The following ZNF217 variants were observed in gnomAD, a reference collection of about 807,000 sequenced individuals.
ZNF217 encodes zinc finger protein 217.
ZNF217 carries 12 observed loss-of-function variants against 73.3 expected under a neutral mutation model. That is an observed-to-expected ratio of 0.16 (90% CI 0.10 to 0.27). ZNF217 has a LOEUF of 0.27. ZNF217 is among the 10% of genes least tolerant of loss of function. The pLI, the probability that ZNF217 is intolerant of heterozygous loss-of-function variation, is 1.00. For missense variants in ZNF217, 1,195 were observed against 1,327.8 expected (o/e 0.90, Z 1.55); for synonymous variants, 588 against 516.4 (o/e 1.14, Z -1.88).
At chr20:53,574,124 G>A (rs1600714104) in intron 4 of ZNF217, among the ~76,000 whole-genome samples, 2 of 151,970 alleles carry the variant, frequency 1.3e-5, no homozygotes, top group African/African-American at 4.8e-5. Context: ...TGAAGTAAAT[G>A]CTATGTAAAT....
At chr20:53,586,647 TA>T (rs1272153119) in intron 1 of ZNF217, among the ~76,000 whole-genome samples, 2 of 152,268 alleles carry the variant, frequency 1.3e-5, no homozygotes, top group African/African-American at 4.8e-5. Flanking sequence ...AAACCAGGTT[TA>T]CATCCCTTAA....
chr20:53,576,744 A>C lies in ZNF217; in HGVS notation c.2020T>G (p.Cys674Gly), dbSNP rs1988290518. The stretch of plus-strand genomic sequence containing the variant: ...CAATCCACACTTGGCCTGTATCTGC[A>C]GTCAGCTGCGGTCTCCGTTTGCTTC... ...KEKQTETAAD[C>G]RYRPSVDCHE... Residue 674 changes from cysteine (C) to glycine (G), a missense_variant, in exon 4 of 6, where the codon TGC becomes GGC. Coordinates refer to ENST00000371471, the MANE Select transcript of ZNF217 (RefSeq NM_006526.3). 6.2e-7 allele frequency: 1 copy of C among 1,614,230 alleles called. No individual in the cohort carries two copies. Among genetic ancestry groups the C allele is most frequent in the Non-Finnish European group, 8.5e-7 (1 of 1,180,038 alleles).
rs759266181 is a variant in ZNF217 at position 53,582,296 on chromosome 20, T to A, written c.531A>T (p.Thr177=). 13 of 1,614,112 alleles carry A rather than the reference T, an allele frequency of 8.1e-6. 1 individual carries two copies. Among genetic ancestry groups the A allele is most frequent in the Middle Eastern group, 3.3e-4 (2 of 6,084 alleles). The change falls in exon 2 of 6, where the codon ACA becomes ACT. Residue 177 remains threonine, a synonymous_variant. Transcript: ENST00000371471. The surrounding 1 kb of genome is among the most constrained non-coding windows in gnomAD (Gnocchi z 4.8). Reference sequence around the variant, plus strand: ...TTCTGGCCCCCGATTTGCCATTATGTGTCCGCATGTGATTTTTAAGAAACC... The same window carrying A: ...TTCTGGCCCCCGATTTGCCATTATGAGTCCGCATGTGATTTTTAAGAAACC... The part of the protein sequence containing the change: ...EPWFLKNHMR[T]HNGKSGARSK...
Position 53,576,097 on chromosome 20 carries a change from G to C in ZNF217, c.2667C>G (p.Asp889Glu). The change falls in exon 4 of 6, where the codon GAC becomes GAG. Residue 889 changes from aspartate to glutamate, a missense_variant. This residue lies in a region of ZNF217 where 649 missense variants were observed against 642.8 expected (regional missense o/e 1.01). Transcript: ENST00000371471. ...NGSIDYPAKN[D>E]SPWAPPGRDY... ...CTCTTCCCGGAGGTGCCCACGGGCT[G>C]TCGTTCTTGGCGGGGTAGTCGATGG... is the stretch of plus-strand genomic sequence containing the variant. 6.2e-7 allele frequency: 1 copy of C among 1,614,252 alleles called. No homozygotes were observed. Among genetic ancestry groups the C allele is most frequent in the African/African-American group, 1.3e-5 (1 of 75,066 alleles).
At chr20:53,587,695 T>C (rs1016075715) in intron 1 of ZNF217, among the ~76,000 whole-genome samples, 2 of 151,038 alleles carry the variant, frequency 1.3e-5, no homozygotes, top group Non-Finnish European at 2.9e-5. Flanking sequence ...TCAACTTAAA[T>C]TGCTATTCTC....
upstream of ZNF217, among the ~76,000 whole-genome samples, chr20:53,597,300 G>A (rs1780331727): frequency 6.6e-6 from 1 of 152,028 alleles, no homozygotes; most frequent in South Asian, 2.1e-4. Context: ...ACATAGATAC[G>A]GGACGTAAAA....
Position 53,581,705 on chromosome 20 carries a change from G to A in ZNF217, c.1122C>T (p.Pro374=). 6.2e-7 allele frequency: 1 copy of A among 1,614,254 alleles called. No individual in the cohort carries two copies. Among genetic ancestry groups the A allele is most frequent in the East Asian group, 2.2e-5 (1 of 44,888 alleles). The part of the protein sequence containing the change: ...DPKLPSSKEK[P]THCSECGKAF... ...CTTTGCCGCACTCGGAGCAGTGAGT[G>A]GGCTTCTCCTTGCTACTGGGTAACT... The change falls in exon 2 of 6, where the codon CCC becomes CCT. Residue 374 remains proline, a synonymous_variant. Coordinates refer to ENST00000371471, the MANE Select transcript of ZNF217 (RefSeq NM_006526.3). This position sits in a 1 kb window ranked among gnomAD's most constrained non-coding sequence, Gnocchi z 4.9.
chr20:53,573,577 G>A (rs1012416202), intron 4 of ZNF217, among the ~76,000 whole-genome samples: 12 of 152,174 alleles, frequency 7.9e-5, no homozygotes, highest in African/African-American at 2.9e-4. Context: ...TCATGCCTAA[G>A]CCTCCCAAAC....
At chr20:53,585,379 G>A (rs1438420976) in intron 1 of ZNF217, among the ~76,000 whole-genome samples, 1 of 152,114 alleles carries the variant, frequency 6.6e-6, no homozygotes, top group Non-Finnish European at 1.5e-5. Context: ...GGCCAACATG[G>A]TGAAACCCCT....
intron 1 of ZNF217, among the ~76,000 whole-genome samples, chr20:53,593,128 A>G (rs1485417576): frequency 2.0e-5 from 3 of 149,670 alleles, no homozygotes; most frequent in African/African-American, 7.3e-5. Flanking sequence ...CCGGGGACAG[A>G]TTTTTGGGCA....
intron 3 of ZNF217, among the ~76,000 whole-genome samples, chr20:53,577,976 G>A (rs1422111496): frequency 6.6e-6 from 1 of 152,142 alleles, no homozygotes; most frequent in Non-Finnish European, 1.5e-5. Context: ...GCCGGGTGTG[G>A]TGGCAGGTAC....
Position 53,581,623 on chromosome 20 carries a change from T to C in ZNF217, c.1204A>G (p.Arg402Gly). 9 of 1,614,202 alleles carry C rather than the reference T, an allele frequency of 5.6e-6. No individual in the cohort carries two copies. Among genetic ancestry groups the C allele is most frequent in the Non-Finnish European group, 7.6e-6 (9 of 1,180,026 alleles). ...LHSRVHKKDR[R>G]AGAESPTMSV... is the part of the protein sequence containing the mutation. ...ATGGTGGGCGACTCCGCGCCGGCCC[T>C]CCGGTCCTTCTTGTGGACCCTGGAG... The change falls in exon 2 of 6, where the codon AGG becomes GGG. Residue 402 changes from arginine (R) to glycine (G), a missense_variant. Transcript: ENST00000371471. This position sits in a 1 kb window ranked among gnomAD's most constrained non-coding sequence, Gnocchi z 4.9.
intron 1 of ZNF217, among the ~76,000 whole-genome samples, chr20:53,590,642 T>C (rs919519044): frequency 2.1e-4 from 32 of 152,228 alleles, no homozygotes; most frequent in Non-Finnish European, 4.0e-4. Context: ...AGCACATCTT[T>C]TGGGACCCCT....
intron 4 of ZNF217, chr20:53,572,519 G>A (rs1004074741): frequency 2.6e-5 from 4 of 151,478 alleles, no homozygotes; most frequent in Non-Finnish European, 5.9e-5. Context: ...TAAGCACCAT[G>A]GGGGGGGAAA....
chr20:53,586,709 T>C (rs1301799682), intron 1 of ZNF217, among the ~76,000 whole-genome samples: 2 of 152,214 alleles, frequency 1.3e-5, no homozygotes, highest in Non-Finnish European at 2.9e-5. Flanking sequence ...AATAAAGACG[T>C]TAATAACAGA....
intron 1 of ZNF217, among the ~76,000 whole-genome samples, chr20:53,588,015 GAAAGAA>G (rs995632856): frequency 1.3e-5 from 2 of 152,014 alleles, no homozygotes; most frequent in Admixed American, 1.3e-4. Flanking sequence ...CAAGTTAAGC[GAAAGAA>G]AAAGATTGGA....
At chr20:53,570,742 A>G (rs1600709489) in intron 5 of ZNF217, among the ~76,000 whole-genome samples, 2 of 127,484 alleles carry the variant, frequency 1.6e-5, no homozygotes, top group African/African-American at 5.0e-5. Context: ...TCCTTGGCAG[A>G]TAAGTACTTA....
At chr20:53,594,775 A>G (rs1430323267), upstream of ZNF217, among the ~76,000 whole-genome samples, 1 of 152,178 alleles carries the variant, frequency 6.6e-6, no homozygotes. Context: ...AATTACAAAC[A>G]AAAACCTTAA....
chr20:53,576,128 T>C lies in ZNF217; in HGVS notation c.2636A>G (p.Asn879Ser), dbSNP rs371075866. 9.2e-5 allele frequency: 148 copies of C among 1,614,170 alleles called. 2 individuals carry two copies. Among genetic ancestry groups the C allele is most frequent in the South Asian group, 4.4e-4 (40 of 91,080 alleles). The change falls in exon 4 of 6, where the codon AAT becomes AGT. Residue 879 changes from asparagine (N) to serine (S), a missense_variant. Around this residue, in one of 9 missense-constraint regions of ZNF217, gnomAD observed 649 missense variants for 642.8 expected, o/e 1.01. Transcript: ENST00000371471. ...CTTGGCGGGGTAGTCGATGGAACCA[T>C]TGATGTTACTGCTGCCGAGGGTGGG... is the stretch of plus-strand genomic sequence containing the variant. ...SQPTLGSSNI[N>S]GSIDYPAKND...
Sources: allele counts gnomAD v4.1 joint callset (sites outside exome capture counted in the v4.1 genomes callset), GRCh38; gene constraint gnomAD v4.1.1; regional missense constraint gnomAD v4.1.1; non-coding constraint Gnocchi (gnomAD v3.1); transcripts MANE v1.5; gene names NCBI Gene and HGNC (gene_info 2026-07-23, HGNC 2026-07-21).